Variants in COL4A5 observed in about 807,000 individuals in gnomAD.
COL4A5 encodes collagen type IV alpha 5 chain.
In COL4A5, 26 loss-of-function variants were observed where a neutral mutation model predicts 130.2. The observed-to-expected ratio is 0.20, with a 90% CI of 0.15 to 0.28. The LOEUF (loss-of-function observed/expected upper bound fraction) is 0.28. COL4A5 is among the 10% of genes least tolerant of loss of function. COL4A5 has a pLI of 1.00. For synonymous variants in COL4A5, 496 were observed against 439.6 expected (o/e 1.13, Z -1.60); for missense variants, 1,131 against 1,344.3 (o/e 0.84, Z 2.48).
At chrX:108,693,072 G>A in intron 50 of COL4A5, 147 bp downstream of exon 50, 2 of 695,442 alleles carry the variant, frequency 2.9e-6, no homozygotes, top group Non-Finnish European at 4.5e-6. Flanking sequence ...TATTTAGTTT[G>A]ACTCATATTT....
intron 47 of COL4A5, among the ~76,000 whole-genome samples, chrX:108,683,898 G>GAGA (rs2068488968): frequency 2.7e-5 from 3 of 111,557 alleles, no homozygotes; most frequent in Non-Finnish European, 3.8e-5. Context: ...CATTTTGCCT[G>GAGA]ATTGCCCTGG....
chrX:108,526,312 G>C (rs1290514035), intron 1 of COL4A5, among the ~76,000 whole-genome samples: 1 of 111,736 alleles, frequency 8.9e-6, no homozygotes, highest in African/African-American at 3.3e-5. Context: ...TTCATTGGCT[G>C]TATGTTCGTA....
At chrX:108,464,983 C>T (rs1348980855) in intron 1 of COL4A5, among the ~76,000 whole-genome samples, 2 of 111,947 alleles carry the variant, frequency 1.8e-5, no homozygotes, top group African/African-American at 3.2e-5. Flanking sequence ...GACAAATGTG[C>T]ACACCCACAA....
chrX:108,548,000 C>T (rs868849961), intron 2 of COL4A5, among the ~76,000 whole-genome samples: 2 of 111,723 alleles, frequency 1.8e-5, no homozygotes, highest in East Asian at 2.8e-4. Flanking sequence ...TTCCAGGTGC[C>T]GTTTGTCCCC....
intron 36 of COL4A5, chrX:108,627,494 T>G (rs2067174841): frequency 1.3e-6 from 1 of 744,375 alleles, no homozygotes; most frequent in Non-Finnish European, 1.6e-6. Context: ...TTTTATTTCT[T>G]TTTTCAATAT....
intron 50 of COL4A5, chrX:108,694,491 A>G (rs1334614145): frequency 3.3e-6 from 1 of 303,091 alleles, no homozygotes; most frequent in Non-Finnish European, 5.9e-6. Flanking sequence ...AGTATGTGCA[A>G]TACACCAAAC....
intron 1 of COL4A5, among the ~76,000 whole-genome samples, chrX:108,460,850 G>A (rs1304076808): frequency 9.2e-6 from 1 of 108,371 alleles, no homozygotes. Context: ...TTTATTCATA[G>A]TATACTCAAG....
At chrX:108,692,467 C>T (rs2068652503) in intron 49 of COL4A5, among the ~76,000 whole-genome samples, 1 of 111,421 alleles carries the variant, frequency 9.0e-6, no homozygotes, top group African/African-American at 3.3e-5. Flanking sequence ...TAAATATCCT[C>T]CATAAGACAC....
At chrX:108,659,383 G>A (rs1451702428) in intron 37 of COL4A5, among the ~76,000 whole-genome samples, 1 of 110,910 alleles carries the variant, frequency 9.0e-6, no homozygotes, top group Admixed American at 9.6e-5. Context: ...TTTGTGTATT[G>A]CATTATAAAT....
intron 9 of COL4A5, among the ~76,000 whole-genome samples, chrX:108,574,820 C>T (rs1259705256): frequency 9.0e-6 from 1 of 111,022 alleles, no homozygotes; most frequent in Non-Finnish European, 1.9e-5. Context: ...TAGCATCTTG[C>T]ACTCTTGCCC....
intron 1 of COL4A5, among the ~76,000 whole-genome samples, chrX:108,460,582 C>T (rs768111462): frequency 5.6e-5 from 6 of 107,328 alleles, no homozygotes; most frequent in Non-Finnish European, 1.2e-4. Context: ...CTCTGCCTCC[C>T]GGATTCAAGC....
At chrX:108,454,665 C>G (rs1603246117) in intron 1 of COL4A5, among the ~76,000 whole-genome samples, 2 of 111,801 alleles carry the variant, frequency 1.8e-5, no homozygotes, top group East Asian at 5.6e-4. Flanking sequence ...TAAAAATGCT[C>G]AAATAGAAGG....
intron 42 of COL4A5, among the ~76,000 whole-genome samples, chrX:108,671,949 C>T (rs1305532700): frequency 9.0e-6 from 1 of 111,500 alleles, no homozygotes; most frequent in Non-Finnish European, 1.9e-5. Flanking sequence ...AAAATGGAGG[C>T]CCAAAGAGGT....
At chrX:108,450,562 G>A (rs1312849754) in intron 1 of COL4A5, among the ~76,000 whole-genome samples, 4 of 112,071 alleles carry the variant, frequency 3.6e-5, no homozygotes, top group African/African-American at 9.7e-5. Flanking sequence ...GTAAGAATGA[G>A]AATTTTGGAA....
chrX:108,469,401 T>G (rs1484449449), intron 1 of COL4A5, among the ~76,000 whole-genome samples: 1 of 110,383 alleles, frequency 9.1e-6, no homozygotes, highest in Non-Finnish European at 1.9e-5. Flanking sequence ...TGCCTCGGTC[T>G]TCCAAAGTGC....
intron 37 of COL4A5, among the ~76,000 whole-genome samples, chrX:108,659,667 CTCTTT>C (rs1268391739): frequency 2.7e-5 from 3 of 110,289 alleles, no homozygotes; most frequent in Admixed American, 1.9e-4. Flanking sequence ...TTTCATAATA[CTCTTT>C]TCTTTGGATT....
intron 12 of COL4A5, 84 bp downstream of exon 12, chrX:108,578,203 T>G (rs1318482974): frequency 1.3e-5 from 15 of 1,123,308 alleles, no homozygotes; most frequent in Non-Finnish European, 1.7e-5. Context: ...TTTCTCTTGC[T>G]TCTTGAAGTT....
intron 4 of COL4A5, among the ~76,000 whole-genome samples, chrX:108,565,257 C>T (rs894104165): frequency 4.5e-5 from 5 of 110,970 alleles, no homozygotes; most frequent in African/African-American, 6.6e-5. Context: ...ATTCTTGACA[C>T]GCAGAATTTT....
Position 108,655,269 on chromosome X carries a change from T to C in COL4A5, c.3247-62T>C, listed in dbSNP as rs769387674. ...AATAAAAGCTCTATAAATAATGTTA[T>C]GTTCTTATACAATCTAAGTCGTGTA... On this transcript the variant is annotated intron_variant, in intron 36 of 52. Coordinates refer to ENST00000328300, the MANE Select transcript of COL4A5 (RefSeq NM_033380.3). The C allele has an allele frequency of 4.3e-4, 494 of 1,157,238 alleles. No homozygotes were observed. In the African/African-American group the frequency reaches 8.0e-3, roughly 19 times the overall value.
Sources: gnomAD v4.1 joint callset for allele counts (sites outside exome capture counted in the v4.1 genomes callset) on GRCh38, gnomAD v4.1.1 for gene constraint, MANE v1.5 for transcripts, NCBI Gene and HGNC (gene_info 2026-07-23, HGNC 2026-07-21) for gene names.